EYS: variants seen among roughly 807,000 people sequenced by gnomAD.
The protein encoded by EYS is EGF-like photoreceptor maintenance factor.
EYS carries 250 observed loss-of-function variants against 282.1 expected under a neutral mutation model. That is an observed-to-expected ratio of 0.89 (90% CI 0.80 to 0.98). The LOEUF is 0.98. EYS is among the 50% of genes least tolerant of loss of function. The pLI is 0.00. For missense variants in EYS, 4,016 were observed against 3,709.0 expected (o/e 1.08, Z -2.15); for synonymous variants, 1,355 against 1,282.9 (o/e 1.06, Z -1.20).
intron 1 of EYS, among the ~76,000 whole-genome samples, chr6:65,647,349 T>C (rs986144778): frequency 1.3e-5 from 2 of 151,994 alleles, no homozygotes; most frequent in African/African-American, 4.8e-5. Context: ...TATATAACCC[T>C]GAAATAAAGC....
At position 65,705,314 on chromosome 6, in the gene EYS, G is replaced by A. The variant is rs116502113; in HGVS notation, c.-448+1821C>T. 5.0e-3 allele frequency among the ~76,000 whole-genome samples: 757 copies of A among 152,282 alleles called. 6 individuals carry two copies. The highest frequency in any genetic ancestry group is 0.017 in the African/African-American group (714 of 41,566). On this transcript the variant is annotated intron_variant, in intron 1 of 42. Transcript: ENST00000503581. ...GCATAGAGGAAAATTTATTCATGGA[G>A]CAGCTAAGCATAGCTTAACGTACTC...
At chr6:65,072,564 T>A (rs1773931605) in intron 12 of EYS, among the ~76,000 whole-genome samples, 1 of 151,730 alleles carries the variant, frequency 6.6e-6, no homozygotes, top group African/African-American at 2.4e-5. Context: ...TCTAAAATAA[T>A]AAAAGCAAAT....
chr6:64,295,261 C>G (rs112198907), intron 30 of EYS, among the ~76,000 whole-genome samples: 31 of 139,678 alleles, frequency 2.2e-4, no homozygotes, highest in African/African-American at 7.7e-4. Context: ...TGCAGCACAC[C>G]AACATGCACA....
intron 32 of EYS, among the ~76,000 whole-genome samples, chr6:64,072,700 A>G (rs1771633863): frequency 2.0e-5 from 3 of 151,854 alleles, no homozygotes; most frequent in African/African-American, 7.3e-5. Context: ...GGAGGGTGTT[A>G]ATGCACTAAA....
At chr6:64,860,582 C>G (rs2150047946) in intron 19 of EYS, among the ~76,000 whole-genome samples, 1 of 152,328 alleles carries the variant, frequency 6.6e-6, no homozygotes, top group East Asian at 1.9e-4. Flanking sequence ...CCTGCAGAGC[C>G]CCAAAGAGGG....
chr6:64,735,405 C>T (rs1297388993), intron 22 of EYS, among the ~76,000 whole-genome samples: 1 of 152,104 alleles, frequency 6.6e-6, no homozygotes, highest in Non-Finnish European at 1.5e-5. Context: ...TTTTTTTCTG[C>T]CTCCTGTGCA....
intron 26 of EYS, 46 bp from the exon 27 acceptor site, chr6:64,439,398 C>A: frequency 8.0e-7 from 1 of 1,253,390 alleles, no homozygotes; most frequent in Non-Finnish European, 1.1e-6. Flanking sequence ...AATAAATATT[C>A]AATACCTAGG....
At chr6:65,555,350 T>C (rs997343253) in intron 2 of EYS, among the ~76,000 whole-genome samples, 1 of 152,108 alleles carries the variant, frequency 6.6e-6, no homozygotes, top group Non-Finnish European at 1.5e-5. Context: ...AGAAATAAAT[T>C]TACCACCTAG....
chr6:63,856,015 G>GTTT (rs35464160), intron 36 of EYS, among the ~76,000 whole-genome samples: 63 of 138,324 alleles, frequency 4.6e-4, no homozygotes, highest in Middle Eastern at 7.5e-3. Context: ...TTTCAGTGAA[G>GTTT]TTTTTTTTTT....
chr6:64,778,352 A>C (rs1383568137), intron 22 of EYS, among the ~76,000 whole-genome samples: 1 of 152,204 alleles, frequency 6.6e-6, no homozygotes, highest in Non-Finnish European at 1.5e-5. Context: ...AATCTGCAAA[A>C]TCTGCAAAAT....
intron 33 of EYS, among the ~76,000 whole-genome samples, chr6:64,042,526 G>A (rs1047138294): frequency 6.6e-6 from 1 of 152,100 alleles, no homozygotes; most frequent in African/African-American, 2.4e-5. Flanking sequence ...GGAAGACTGC[G>A]AACAACAGAC....
At chr6:63,737,551 T>A (rs1768950785) in intron 41 of EYS, among the ~76,000 whole-genome samples, 1 of 152,166 alleles carries the variant, frequency 6.6e-6, no homozygotes, top group Non-Finnish European at 1.5e-5. Flanking sequence ...AAAATTCTCT[T>A]TTTTGGTTGT....
intron 41 of EYS, among the ~76,000 whole-genome samples, chr6:63,728,144 T>C (rs184014561): frequency 1.4e-4 from 22 of 152,272 alleles, no homozygotes; most frequent in Admixed American, 1.1e-3. Context: ...AATATAAAAG[T>C]GTATAACATT....
At chr6:64,647,959 C>T (rs1404558281) in intron 22 of EYS, among the ~76,000 whole-genome samples, 1 of 152,178 alleles carries the variant, frequency 6.6e-6, no homozygotes, top group Admixed American at 6.5e-5. Flanking sequence ...AATTTCCTGA[C>T]ATTTGCCTAC....
chr6:63,895,608 T>C (rs570689568), intron 35 of EYS, among the ~76,000 whole-genome samples: 2 of 152,360 alleles, frequency 1.3e-5, no homozygotes, highest in South Asian at 2.1e-4. Context: ...CCTATTCTGC[T>C]TTTGGTCTAC....
chr6:64,174,146 C>T (rs1038206985), intron 31 of EYS, among the ~76,000 whole-genome samples: 3 of 151,900 alleles, frequency 2.0e-5, no homozygotes, highest in Non-Finnish European at 4.4e-5. Flanking sequence ...TTATCCTTAT[C>T]AATAAGTTCA....
chr6:63,969,572 G>A (rs902804132), intron 35 of EYS, among the ~76,000 whole-genome samples: 1 of 152,152 alleles, frequency 6.6e-6, no homozygotes, highest in Admixed American at 6.5e-5. Flanking sequence ...GACTTATTTT[G>A]TTCTCTGAGT....
intron 26 of EYS, among the ~76,000 whole-genome samples, chr6:64,552,416 C>T (rs970398428): frequency 4.6e-5 from 7 of 151,996 alleles, no homozygotes; most frequent in Admixed American, 1.3e-4. Flanking sequence ...TTTACTGATC[C>T]GGAGTGAATT....
intron 22 of EYS, among the ~76,000 whole-genome samples, chr6:64,641,635 T>C (rs554134448): frequency 6.6e-6 from 1 of 152,264 alleles, no homozygotes; most frequent in East Asian, 1.9e-4. Flanking sequence ...CCTTTCATAC[T>C]TAAAAAACTT....
Sources: allele counts gnomAD v4.1 joint callset (sites outside exome capture counted in the v4.1 genomes callset), GRCh38; gene constraint gnomAD v4.1.1; transcripts MANE v1.5; gene names NCBI Gene and HGNC (gene_info 2026-07-23, HGNC 2026-07-21).